SMPD3: variants seen among roughly 807,000 people sequenced by gnomAD.
SMPD3 encodes sphingomyelin phosphodiesterase 3.
In SMPD3, 21 loss-of-function variants were observed where a neutral mutation model predicts 55.7. The observed-to-expected ratio is 0.38, with a 90% confidence interval of 0.27 to 0.54. The LOEUF (loss-of-function observed/expected upper bound fraction) is 0.54. Among genes scored for constraint, SMPD3 ranks in the 20% least tolerant of loss-of-function variants. The pLI is 0.80. For synonymous variants in SMPD3, 457 were observed against 404.3 expected (o/e 1.13, Z -1.56); for missense variants, 842 against 899.6 (o/e 0.94, Z 0.82).
At chr16:68,405,123 TC>T (rs1297117035) in intron 1 of SMPD3, among the ~76,000 whole-genome samples, 3 of 152,156 alleles carry the variant, frequency 2.0e-5, no homozygotes, top group African/African-American at 7.2e-5. Context: ...CAGAGTTTTT[TC>T]CCCCAAGGCA....
In SMPD3 at chr16:68,371,469, C is replaced by T. The variant is rs1272900584; in HGVS notation, c.713G>A (p.Ser238Asn). ...GCGCACGATGCAGGCATCCTCCGGG[C>T]TGCTGCTGTCGACAGGGTCCCCAGA... is the stretch of plus-strand genomic sequence containing the variant. Reference protein sequence around the residue: ...PASGDPVDSSSPEDACIVRIG... With the variant: ...PASGDPVDSSNPEDACIVRIG... Residue 238 changes from serine to asparagine, a missense_variant, in exon 3 of 9, where the codon AGC (serine) becomes AAC (asparagine). By Grantham distance (46) the Ser-to-Asn change is conservative. Coordinates refer to ENST00000219334, the MANE Select transcript of SMPD3 (RefSeq NM_018667.4). 5.0e-6 allele frequency: 8 copies of T among 1,596,980 alleles called. No homozygotes were observed. The highest frequency in any genetic ancestry group is 3.4e-5 in the Admixed American group (2 of 59,358).
intron 3 of SMPD3, 65 bp from the exon 4 acceptor site, chr16:68,365,157 T>C: frequency 1.9e-6 from 3 of 1,543,376 alleles, no homozygotes; most frequent in Non-Finnish European, 2.7e-6. Context: ...CACAGGACAC[T>C]GGCAGTGCCC....
rs369523865 is a variant in SMPD3, at chr16:68,370,894, C to T, written c.1288G>A (p.Asp430Asn). 50 of 1,613,834 alleles carry T rather than the reference C, an allele frequency of 3.1e-5. 1 individual carries two copies. The highest frequency in any genetic ancestry group is 1.6e-4 in the Middle Eastern group (1 of 6,084). ...AGAGCTCCCTTAGAGGCCAGGGCAT[C>T]GTCGTTACACTTGTTGGGGTAACAG... ...YHCYPNKCND[D>N]ALASKGALFL... Residue 430 changes from aspartate to asparagine, a missense_variant, in exon 3 of 9, where the codon GAT becomes AAT. Asp to Asn is a conservative substitution (Grantham distance 23). This residue lies in a region of SMPD3 where 649 missense variants were observed against 643.6 expected (regional missense o/e 1.01). Transcript: ENST00000219334.
chr16:68,436,505 T>G (rs1597669247), intron 1 of SMPD3, among the ~76,000 whole-genome samples: 1 of 152,300 alleles, frequency 6.6e-6, no homozygotes, highest in South Asian at 2.1e-4. Flanking sequence ...AGGACTTGAG[T>G]ACCAAGCAGG....
At chr16:68,399,368 G>A (rs1024796881) in intron 1 of SMPD3, among the ~76,000 whole-genome samples, 6 of 152,186 alleles carry the variant, frequency 3.9e-5, no homozygotes, top group Admixed American at 2.0e-4. Flanking sequence ...CCATGGTCTG[G>A]TGCCCCATAG....
At chr16:68,410,493 C>T (rs2090290328) in intron 1 of SMPD3, among the ~76,000 whole-genome samples, 1 of 152,164 alleles carries the variant, frequency 6.6e-6, no homozygotes. Context: ...GGAGTGTCCT[C>T]TATTTCTATG....
chr16:68,361,358 T>C, intron 8 of SMPD3, 51 bp from the exon 9 acceptor site: 1 of 1,558,544 alleles, frequency 6.4e-7, no homozygotes, highest in South Asian at 1.2e-5. Context: ...TCCAAGGGCA[T>C]CTTGCAGGGA....
chr16:68,366,214 C>T (rs1223955411), intron 3 of SMPD3, among the ~76,000 whole-genome samples: 1 of 152,258 alleles, frequency 6.6e-6, no homozygotes. Context: ...CACAGCAGCC[C>T]AAACGTCACA....
intron 1 of SMPD3, among the ~76,000 whole-genome samples, chr16:68,410,284 G>A (rs984638053): frequency 6.6e-6 from 1 of 152,106 alleles, no homozygotes; most frequent in African/African-American, 2.4e-5. Flanking sequence ...GCTCCCAGGG[G>A]AGGGAGGAGG....
rs2090234531 is a variant in SMPD3 at position 68,404,185 on chromosome 16, T to C, written c.-268-17526A>G. On this transcript the variant is annotated intron_variant, in intron 1 of 8. Coordinates refer to ENST00000219334, the MANE Select transcript of SMPD3 (RefSeq NM_018667.4). This position sits in a 1 kb window ranked among gnomAD's most constrained non-coding sequence, Gnocchi z 4.0. ...GTGCACACCACCACGCCCAGCTAAT[T>C]TTTTTTTTTTTTTTTTGAGATGGAG... 7.0e-6 allele frequency among the ~76,000 whole-genome samples: 1 copy of C among 142,470 alleles called. No individual in the cohort carries two copies. The highest frequency in any genetic ancestry group is 2.7e-5 in the African/African-American group (1 of 36,922). The allele number at this position is 142,470 out of a possible 152,430, so 93.5% of individuals were successfully genotyped here.
chr16:68,404,408 G>T lies in SMPD3; in HGVS notation c.-268-17749C>A, dbSNP rs2090236490. Reference sequence around the variant, plus strand: ...AGCCACCATGACAGGGTTTCATCGTGTTGCCCAGGCTGGTCCTGAACTCCT... The same window carrying T: ...AGCCACCATGACAGGGTTTCATCGTTTTGCCCAGGCTGGTCCTGAACTCCT... On this transcript the variant is annotated intron_variant, in intron 1 of 8. Transcript: ENST00000219334. This position sits in a 1 kb window ranked among gnomAD's most constrained non-coding sequence, Gnocchi z 4.0. Among the ~76,000 whole-genome samples, 3 of 152,050 alleles carry T rather than the reference G, an allele frequency of 2.0e-5. No homozygotes were observed. The highest frequency in any genetic ancestry group is 6.6e-5 in the Admixed American group (1 of 15,260).
intron 1 of SMPD3, among the ~76,000 whole-genome samples, chr16:68,444,334 G>T (rs532448396): frequency 7.9e-4 from 121 of 152,298 alleles, no homozygotes; most frequent in Non-Finnish European, 1.5e-3. Context: ...GAGAAAAGCT[G>T]CATTAGTGCA....
At position 68,364,908 on chromosome 16, in the gene SMPD3, T is replaced by TA; in HGVS notation, c.1400-3_1400-2insT. ...GCCCACACCGGATGGCGCTGTCCTC[T>TA]GCAGGGCAGAAGTACAGAGACTGGA... On this transcript the variant is annotated splice_polypyrimidine_tract_variant and splice_region_variant and intron_variant, in intron 4 of 8. Transcript: ENST00000219334. The TA allele has an allele frequency of 1.2e-6, 2 of 1,613,588 alleles. No individual in the cohort carries two copies.
At chr16:68,423,533 G>A (rs566956467) in intron 1 of SMPD3, among the ~76,000 whole-genome samples, 2 of 152,166 alleles carry the variant, frequency 1.3e-5, no homozygotes, top group East Asian at 1.9e-4. Flanking sequence ...CATCAGATGC[G>A]ACCCCCTTGA....
At chr16:68,419,198 G>T (rs928207928) in intron 1 of SMPD3, among the ~76,000 whole-genome samples, 5 of 152,222 alleles carry the variant, frequency 3.3e-5, no homozygotes, top group African/African-American at 1.2e-4. Flanking sequence ...GAGGGTCGGG[G>T]GGTCTTGGAG....
intron 1 of SMPD3, among the ~76,000 whole-genome samples, chr16:68,405,844 A>G (rs1411198964): frequency 6.6e-6 from 1 of 152,156 alleles, no homozygotes; most frequent in Non-Finnish European, 1.5e-5. Context: ...ATGTGGGTGC[A>G]TGCACCTCTC....
chr16:68,427,204 C>T (rs1262576794), intron 1 of SMPD3, among the ~76,000 whole-genome samples: 11 of 152,034 alleles, frequency 7.2e-5, no homozygotes, highest in Non-Finnish European at 1.2e-4. Flanking sequence ...GGTTTCACCA[C>T]GTTGGCCAGG....
At chr16:68,437,737 G>A (rs1005228368) in intron 1 of SMPD3, among the ~76,000 whole-genome samples, 2 of 152,228 alleles carry the variant, frequency 1.3e-5, no homozygotes, top group African/African-American at 4.8e-5. Context: ...AAGAAGTGCT[G>A]CATCTGTGCC....
intron 1 of SMPD3, among the ~76,000 whole-genome samples, chr16:68,439,433 T>C (rs2090549545): frequency 6.6e-6 from 1 of 152,210 alleles, no homozygotes; most frequent in African/African-American, 2.4e-5. Flanking sequence ...AAAGAAAGAA[T>C]GAGTAGGAAA....
Sources: allele counts gnomAD v4.1 joint callset (sites outside exome capture counted in the v4.1 genomes callset), GRCh38; gene constraint gnomAD v4.1.1; regional missense constraint gnomAD v4.1.1; non-coding constraint Gnocchi (gnomAD v3.1); transcripts MANE v1.5; gene names NCBI Gene and HGNC (gene_info 2026-07-23, HGNC 2026-07-21).